MSN: variants seen among roughly 807,000 people sequenced by gnomAD.
The protein encoded by MSN is moesin.
Under a neutral mutation model 48.0 loss-of-function variants are expected in MSN, and 2 were observed. The observed-to-expected ratio is 0.04, with a 90% CI of 0.02 to 0.13. The LOEUF (loss-of-function observed/expected upper bound fraction) is 0.13, where lower values mean the gene tolerates loss of function less well. Among genes scored for constraint, MSN ranks in the 10% least tolerant of loss-of-function variants. The pLI is 1.00. For synonymous variants in MSN, 146 were observed against 166.9 expected (o/e 0.87, Z 0.97); for missense variants, 267 against 470.1 (o/e 0.57, Z 3.99).
chrX:65,643,660 G>T (rs1313521968), intron 1 of MSN, among the ~76,000 whole-genome samples: 4 of 111,698 alleles, frequency 3.6e-5, no homozygotes, highest in African/African-American at 1.3e-4. Context: ...TGCAGCCAGG[G>T]CTATGAATCA....
At chrX:65,697,483 T>C (rs1379849291) in intron 1 of MSN, among the ~76,000 whole-genome samples, 3 of 111,582 alleles carry the variant, frequency 2.7e-5, no homozygotes, top group Non-Finnish European at 3.8e-5. Context: ...GTTTCAACAA[T>C]GGGTAGGTTC....
chrX:65,628,267 C>T (rs760220174), intron 1 of MSN, among the ~76,000 whole-genome samples: 15 of 113,043 alleles, frequency 1.3e-4, no homozygotes, highest in East Asian at 2.8e-4. Context: ...ATGAGGGCTC[C>T]GCCCCAGCAG....
At chrX:65,680,251 T>C (rs759383714) in intron 1 of MSN, among the ~76,000 whole-genome samples, 2 of 112,252 alleles carry the variant, frequency 1.8e-5, no homozygotes, top group African/African-American at 6.5e-5. Context: ...AATTCATCAT[T>C]TTAACATGGC....
rs763380155 is a variant in MSN, at chrX:65,629,755, G to A, written c.-22+41143G>A. On this transcript the variant is annotated intron_variant, in intron 1 of 3. Coordinates refer to the MSN transcript ENST00000609672. ...CATGAGAATAGCGTGGGAAAGACTC[G>A]CCCCCATGATTAAATTACACCCCCA... 1.3e-4 allele frequency among the ~76,000 whole-genome samples: 15 copies of A among 111,557 alleles called. No individual in the cohort carries two copies. In the South Asian group the frequency reaches 2.3e-3, roughly 17 times the overall value.
In MSN at chrX:65,738,549, G is replaced by A. The variant is rs772096206; in HGVS notation, c.1276G>A (p.Ala426Thr). The A allele has an allele frequency of 1.7e-6, 2 of 1,206,915 alleles. No homozygotes were observed. Among genetic ancestry groups the A allele is most frequent in the East Asian group, 3.0e-5 (1 of 33,598 alleles). ...GGCCTTGGAAATGGCAGAGCTGACA[G>A]CTCGAATCTCCCAGCTGGAGATGGC... ...QLALEMAELT[A>T]RISQLEMARQ... The change falls in exon 11 of 13, where the codon GCT becomes ACT. Residue 426 changes from alanine to threonine, a missense_variant. Transcript: ENST00000360270.
chrX:65,685,957 G>C (rs781129430), intron 1 of MSN, among the ~76,000 whole-genome samples: 3 of 112,149 alleles, frequency 2.7e-5, no homozygotes, highest in East Asian at 5.6e-4. Context: ...AACAAACAAA[G>C]AAGAGCTGTG....
chrX:65,594,368 G>T (rs986553983), intron 1 of MSN, among the ~76,000 whole-genome samples: 4 of 110,173 alleles, frequency 3.6e-5, no homozygotes, highest in Non-Finnish European at 7.6e-5. Flanking sequence ...AAGTAGAGAA[G>T]ACTGTACCCT....
intron 1 of MSN, among the ~76,000 whole-genome samples, chrX:65,654,319 C>T (rs1365101446): frequency 2.8e-5 from 3 of 107,771 alleles, no homozygotes; most frequent in Admixed American, 1.0e-4. Flanking sequence ...GACAGGGTTT[C>T]ACCACATTAG....
chrX:65,695,326 C>T (rs1029546938), intron 1 of MSN, among the ~76,000 whole-genome samples: 1 of 109,396 alleles, frequency 9.1e-6, no homozygotes, highest in African/African-American at 3.3e-5. Flanking sequence ...CATGGTGAAA[C>T]CCCGTCTCTA....
intron 1 of MSN, among the ~76,000 whole-genome samples, chrX:65,644,858 T>A (rs1301359019): frequency 8.9e-6 from 1 of 112,194 alleles, no homozygotes; most frequent in Non-Finnish European, 1.9e-5. Flanking sequence ...ACTGATCATA[T>A]ATGCCCTGTT....
chrX:65,601,591 TG>T (rs1294206467), intron 1 of MSN, among the ~76,000 whole-genome samples: 1 of 112,022 alleles, frequency 8.9e-6, no homozygotes, highest in Admixed American at 9.5e-5. Flanking sequence ...GGGTGGGAAA[TG>T]GTTGGCTTGG....
intron 2 of MSN, among the ~76,000 whole-genome samples, chrX:65,719,065 C>G (rs1248120165): frequency 8.9e-6 from 1 of 112,023 alleles, no homozygotes; most frequent in Non-Finnish European, 1.9e-5. Context: ...CTTACATTCA[C>G]ATAGCTCACA....
At chrX:65,599,672 C>T (rs2070217720) in intron 1 of MSN, among the ~76,000 whole-genome samples, 1 of 111,601 alleles carries the variant, frequency 9.0e-6, no homozygotes. Context: ...TTGATAGGTG[C>T]AGAACTGGGT....
intron 1 of MSN, among the ~76,000 whole-genome samples, chrX:65,627,799 C>T (rs1178610540): frequency 8.9e-6 from 1 of 112,050 alleles, no homozygotes; most frequent in Non-Finnish European, 1.9e-5. Context: ...TCCCCTCTGC[C>T]TATAAGCCTG....
intron 1 of MSN, among the ~76,000 whole-genome samples, chrX:65,649,630 C>A (rs758708058): frequency 9.9e-6 from 1 of 100,790 alleles, no homozygotes; most frequent in African/African-American, 3.6e-5. Context: ...TGTGTATGCG[C>A]GTGTGTATAT....
intron 1 of MSN, among the ~76,000 whole-genome samples, chrX:65,648,413 C>T (rs769710218): frequency 2.7e-5 from 3 of 111,098 alleles, no homozygotes; most frequent in Admixed American, 9.6e-5. Context: ...ATTAGCCGGG[C>T]GTGGTCGTGG....
intron 1 of MSN, among the ~76,000 whole-genome samples, chrX:65,700,970 T>C (rs1259275618): frequency 9.0e-6 from 1 of 111,250 alleles, no homozygotes; most frequent in African/African-American, 3.3e-5. Flanking sequence ...TCACACCTAT[T>C]TTAGACTCCT....
chrX:65,607,699 A>T (rs2070289266), intron 1 of MSN, among the ~76,000 whole-genome samples: 1 of 111,431 alleles, frequency 9.0e-6, no homozygotes, highest in Non-Finnish European at 1.9e-5. Flanking sequence ...TGAACCCAGG[A>T]GGTCTTTGCT....
intron 1 of MSN, among the ~76,000 whole-genome samples, chrX:65,669,844 T>A (rs2070913154): frequency 9.1e-6 from 1 of 109,792 alleles, no homozygotes; most frequent in Admixed American, 9.7e-5. Context: ...AAACTAAAAC[T>A]AAAACAAAAA....
Sources: allele counts gnomAD v4.1 joint callset (sites outside exome capture counted in the v4.1 genomes callset), GRCh38; gene constraint gnomAD v4.1.1; transcripts MANE v1.5; gene names NCBI Gene and HGNC (gene_info 2026-07-23, HGNC 2026-07-21).